KSR2: variants seen among roughly 807,000 people sequenced by gnomAD.
KSR2 encodes the protein kinase suppressor of ras 2.
Under a neutral mutation model 107.8 loss-of-function variants are expected in KSR2, and 25 were observed. That is an observed-to-expected ratio of 0.23 (90% CI 0.17 to 0.32). KSR2 has a LOEUF of 0.32. KSR2 is among the 10% of genes least tolerant of loss of function. KSR2 has a pLI of 1.00. For synonymous variants in KSR2, 480 were observed against 507.0 expected, an observed-to-expected ratio of 0.95 and a Z score of 0.71; for missense variants, 887 against 1,268.9, an observed-to-expected ratio of 0.70 and a Z score of 4.57.
intron 4 of KSR2, among the ~76,000 whole-genome samples, chr12:117,747,434 G>T (rs1305769434): frequency 6.6e-6 from 1 of 151,788 alleles, no homozygotes; most frequent in African/African-American, 2.4e-5. Context: ...GGCCTGTTGG[G>T]GGGTGGGGGA....
Position 117,656,940 on chromosome 12 carries a change from G to GGAGATATATATATATATATAATAGGA in KSR2, c.1171+10533_1171+10534insTCCTATTATATATATATATATATCTC, listed in dbSNP as rs146017185. On this transcript the variant is annotated intron_variant, in intron 5 of 19. Transcript: ENST00000339824. ...TGTGTGTGTATACATATATATAATA[G>GGAGATATATATATATATATAATAGGA]GATATATATATATATATAATAGGAT... Among the ~76,000 whole-genome samples the GGAGATATATATATATATATAATAGGA allele has an allele frequency of 3.0e-4, 11 of 36,668 alleles. 1 individual carries two copies. Among genetic ancestry groups the GGAGATATATATATATATATAATAGGA allele is most frequent in the African/African-American group, 9.8e-4 (11 of 11,202 alleles). 24.1% of individuals were successfully genotyped at this position (36,668 alleles called of 152,430 possible). A position where few individuals can be genotyped will look rare whatever the true frequency, so the allele number is the denominator to read the frequency against.
chr12:117,968,555 G>A lies in KSR2; in HGVS notation c.-300C>T, dbSNP rs1053597380. ...GCTGTTTCTCAGAAGCAAACCAGGT[G>A]ATGTGATGCTGTCTGTACACTTAGG... On this transcript the variant is annotated 5_prime_UTR_variant, in exon 1 of 20. Coordinates refer to ENST00000339824, the MANE Select transcript of KSR2 (RefSeq NM_173598.6). 9.6e-7 allele frequency: 1 copy of A among 1,039,092 alleles called. No individual in the cohort carries two copies. Among genetic ancestry groups the A allele is most frequent in the Non-Finnish European group, 1.2e-6 (1 of 825,822 alleles). The allele number at this position is 1,039,092 out of a possible 1,614,324, so 64.4% of individuals were successfully genotyped here.
At chr12:117,477,816 TCC>T (rs1871886096) in intron 16 of KSR2, among the ~76,000 whole-genome samples, 1 of 152,226 alleles carries the variant, frequency 6.6e-6, no homozygotes, top group Non-Finnish European at 1.5e-5. Flanking sequence ...GGCGGGTGGT[TCC>T]CTCTTCCGCC....
At chr12:117,592,703 A>C (rs767265538) in intron 5 of KSR2, among the ~76,000 whole-genome samples, 1 of 152,230 alleles carries the variant, frequency 6.6e-6, no homozygotes, top group African/African-American at 2.4e-5. Context: ...AAAGTGCGTC[A>C]GGGATTTTTA....
chr12:117,662,892 A>G (rs897389407), intron 5 of KSR2, among the ~76,000 whole-genome samples: 2 of 152,258 alleles, frequency 1.3e-5, no homozygotes, highest in African/African-American at 4.8e-5. Context: ...AGAGATGTCC[A>G]GGATGAATGA....
intron 1 of KSR2, among the ~76,000 whole-genome samples, chr12:117,943,195 C>T (rs187332059): frequency 1.5e-3 from 223 of 152,224 alleles, no homozygotes; most frequent in African/African-American, 5.2e-3. Context: ...TGACTAAGTA[C>T]ATATTCTGTT....
chr12:117,533,032 T>C (rs1274158250), intron 10 of KSR2, among the ~76,000 whole-genome samples: 1 of 152,206 alleles, frequency 6.6e-6, no homozygotes, highest in African/African-American at 2.4e-5. Flanking sequence ...CAAGTCTCAC[T>C]GTCCACACGT....
intron 1 of KSR2, among the ~76,000 whole-genome samples, chr12:117,872,472 G>A (rs533614889): frequency 6.6e-6 from 1 of 152,070 alleles, no homozygotes; most frequent in Admixed American, 6.6e-5. Flanking sequence ...GTTGAGGCAA[G>A]AGGATCCCTT....
At chr12:117,931,895 G>T (rs1404072179) in intron 1 of KSR2, among the ~76,000 whole-genome samples, 1 of 152,214 alleles carries the variant, frequency 6.6e-6, no homozygotes, top group Non-Finnish European at 1.5e-5. Context: ...ACATTAGGAG[G>T]TAAACATCCT....
intron 1 of KSR2, among the ~76,000 whole-genome samples, chr12:117,900,451 C>G (rs17619380): frequency 0.13 from 20,019 of 152,072 alleles, 1,406 homozygotes; most frequent in South Asian, 0.19. Context: ...TAGATAGATG[C>G]CTCAAGGGAA....
chr12:117,520,294 C>A (rs960747810), intron 14 of KSR2, among the ~76,000 whole-genome samples: 2 of 152,194 alleles, frequency 1.3e-5, no homozygotes, highest in African/African-American at 4.8e-5. Flanking sequence ...CCACGCCTGG[C>A]CTGAAGCGAA....
At chr12:117,782,694 G>A (rs892700958) in intron 3 of KSR2, among the ~76,000 whole-genome samples, 5 of 152,186 alleles carry the variant, frequency 3.3e-5, no homozygotes, top group Non-Finnish European at 5.9e-5. Flanking sequence ...GTATATATGA[G>A]ATTCTAGGGG....
At chr12:117,518,513 T>G (rs538511211) in intron 14 of KSR2, among the ~76,000 whole-genome samples, 1 of 152,346 alleles carries the variant, frequency 6.6e-6, no homozygotes, top group East Asian at 1.9e-4. Flanking sequence ...TGGGTTTCCT[T>G]GATGCCATCA....
At chr12:117,736,825 A>AAAG (rs1555233391) in intron 4 of KSR2, among the ~76,000 whole-genome samples, 41 of 150,448 alleles carry the variant, frequency 2.7e-4, no homozygotes, top group Non-Finnish European at 5.0e-4. Flanking sequence ...AAAAAAAAAA[A>AAAG]AAGAAAAGAA....
chr12:117,656,722 G>A (rs1053535699), intron 5 of KSR2, among the ~76,000 whole-genome samples: 1 of 151,856 alleles, frequency 6.6e-6, no homozygotes, highest in Admixed American at 6.6e-5. Flanking sequence ...GAAAAACATG[G>A]AAAAGGAGAG....
At chr12:117,867,248 C>A (rs1238386407) in intron 1 of KSR2, among the ~76,000 whole-genome samples, 2 of 151,552 alleles carry the variant, frequency 1.3e-5, no homozygotes, top group African/African-American at 4.9e-5. Flanking sequence ...CCTGGGAGGT[C>A]GAAGCTGCAG....
At chr12:117,911,041 T>A (rs1894994156) in intron 1 of KSR2, among the ~76,000 whole-genome samples, 1 of 152,210 alleles carries the variant, frequency 6.6e-6, no homozygotes, top group Admixed American at 6.5e-5. Context: ...GATGAACTTC[T>A]ATGCATCCTT....
chr12:117,567,776 T>C, intron 7 of KSR2, among the ~76,000 whole-genome samples: 1 of 152,010 alleles, frequency 6.6e-6, no homozygotes, highest in African/African-American at 2.4e-5. Context: ...CTGTGGTCTC[T>C]TGTTTGAGCC....
intron 3 of KSR2, among the ~76,000 whole-genome samples, chr12:117,803,977 A>C (rs567182590): frequency 1.3e-5 from 2 of 152,298 alleles, no homozygotes; most frequent in African/African-American, 4.8e-5. Context: ...AGGGGTTAAC[A>C]AACTATAGTC....
Sources: gnomAD v4.1 joint callset for allele counts (sites outside exome capture counted in the v4.1 genomes callset) on GRCh38, gnomAD v4.1.1 for gene constraint, MANE v1.5 for transcripts, NCBI Gene and HGNC (gene_info 2026-07-23, HGNC 2026-07-21) for gene names.